ANK3: variants seen among roughly 807,000 people sequenced by gnomAD.
ANK3 encodes the protein ankyrin 3.
Under a neutral mutation model 370.9 loss-of-function variants are expected in ANK3, and 57 were observed. The observed-to-expected ratio is 0.15, with a 90% CI of 0.12 to 0.19. ANK3 has a LOEUF of 0.19. Ranked by LOEUF, ANK3 falls within the 10% of genes least tolerant of loss-of-function variation. The pLI is 1.00. For missense variants in ANK3, 4,439 were observed against 5,302.1 expected (o/e 0.84, Z 5.06); for synonymous variants, 1,929 against 1,946.3 (o/e 0.99, Z 0.23).
At chr10:60,615,713 A>T (rs2078259213) in intron 1 of ANK3, among the ~76,000 whole-genome samples, 1 of 152,232 alleles carries the variant, frequency 6.6e-6, no homozygotes, top group Admixed American at 6.5e-5. Context: ...AATATTGTTT[A>T]CCAAGGGTCA....
At chr10:60,440,875 T>G (rs530691411) in intron 2 of ANK3, among the ~76,000 whole-genome samples, 28 of 152,322 alleles carry the variant, frequency 1.8e-4, no homozygotes, top group Middle Eastern at 3.4e-3. Flanking sequence ...CCTCAACAAT[T>G]GGAACTAACA....
At chr10:60,585,761 C>G (rs967688024) in intron 2 of ANK3, among the ~76,000 whole-genome samples, 11 of 152,104 alleles carry the variant, frequency 7.2e-5, no homozygotes, top group Admixed American at 2.6e-4. Context: ...CAGTGGCTCA[C>G]GTACGTAATC....
chr10:60,468,757 G>A (rs1381808480), intron 2 of ANK3, among the ~76,000 whole-genome samples: 2 of 151,494 alleles, frequency 1.3e-5, no homozygotes, highest in Non-Finnish European at 2.9e-5. Context: ...AAGAACTTCA[G>A]CATAATATAT....
At chr10:60,105,028 C>T (rs1464854919) in intron 28 of ANK3, among the ~76,000 whole-genome samples, 1 of 152,106 alleles carries the variant, frequency 6.6e-6, no homozygotes, top group Non-Finnish European at 1.5e-5. Flanking sequence ...ATGCTGAGTG[C>T]ATTCCAAAAG....
At chr10:60,048,095 A>T (rs2131884848) in intron 42 of ANK3, among the ~76,000 whole-genome samples, 1 of 152,338 alleles carries the variant, frequency 6.6e-6, no homozygotes, top group East Asian at 1.9e-4. Flanking sequence ...AAGAAGACAG[A>T]TTTGCCCAGA....
intron 25 of ANK3, among the ~76,000 whole-genome samples, chr10:60,130,553 C>G (rs1278122242): frequency 2.0e-5 from 3 of 152,250 alleles, no homozygotes; most frequent in South Asian, 2.1e-4. Context: ...ACTTCTTTCA[C>G]GCTTTCCAAC....
At chr10:60,554,142 G>A (rs1052796089) in intron 2 of ANK3, among the ~76,000 whole-genome samples, 16 of 151,774 alleles carry the variant, frequency 1.1e-4, no homozygotes, top group Non-Finnish European at 2.2e-4. Context: ...CCCCTTTTTC[G>A]GATACACCAT....
intron 2 of ANK3, among the ~76,000 whole-genome samples, chr10:60,511,409 T>C (rs1400121918): frequency 1.3e-5 from 2 of 152,122 alleles, no homozygotes; most frequent in Non-Finnish European, 2.9e-5. Flanking sequence ...AATTGTGAAT[T>C]CTACAAGATT....
chr10:60,327,698 T>C (rs1013883470), intron 1 of ANK3, among the ~76,000 whole-genome samples: 4 of 152,180 alleles, frequency 2.6e-5, no homozygotes, highest in Non-Finnish European at 5.9e-5. Context: ...TGATATCTTT[T>C]TAGCATCATA....
intron 42 of ANK3, chr10:60,044,429 G>C: frequency 2.7e-6 from 2 of 727,540 alleles, no homozygotes; most frequent in Non-Finnish European, 3.4e-6. Flanking sequence ...CACATGCTCT[G>C]GAATTTTAGA....
chr10:60,564,441 C>T (rs1246499827), intron 2 of ANK3, among the ~76,000 whole-genome samples: 1 of 152,240 alleles, frequency 6.6e-6, no homozygotes, highest in Non-Finnish European at 1.5e-5. Context: ...AAGCAATGTC[C>T]AAACACGAGA....
chr10:60,529,531 G>A (rs2076555838), intron 2 of ANK3, among the ~76,000 whole-genome samples: 1 of 152,122 alleles, frequency 6.6e-6, no homozygotes. Context: ...ACTCCAGAGT[G>A]TTGTAAATAC....
Position 60,438,950 on chromosome 10 carries a change from A to C in ANK3, c.97-159311T>G, listed in dbSNP as rs538090616. Among the ~76,000 whole-genome samples the C allele has an allele frequency of 3.0e-4, 46 of 152,342 alleles. 1 individual carries two copies. In the South Asian group the frequency reaches 8.9e-3, roughly 30 times the overall value. On this transcript the variant is annotated intron_variant, in intron 2 of 43. Coordinates refer to the ANK3 transcript ENST00000373827. Reference sequence around the variant, plus strand: ...TCTCTCCCCTAAGAGTCTTAAAACAAGGTGAACCTAGTCTGTCATTCCCTT... The same window carrying C: ...TCTCTCCCCTAAGAGTCTTAAAACACGGTGAACCTAGTCTGTCATTCCCTT...
intron 2 of ANK3, among the ~76,000 whole-genome samples, chr10:60,614,926 T>C (rs1402441901): frequency 2.0e-5 from 3 of 152,124 alleles, no homozygotes; most frequent in Non-Finnish European, 4.4e-5. Flanking sequence ...GAAGCAGATG[T>C]GAAACACAAC....
intron 2 of ANK3, among the ~76,000 whole-genome samples, chr10:60,491,037 AC>A (rs1426309239): frequency 6.6e-6 from 1 of 152,152 alleles, no homozygotes; most frequent in East Asian, 1.9e-4. Context: ...TATATTATAT[AC>A]CCTTTTGTAT....
upstream of ANK3, among the ~76,000 whole-genome samples, chr10:60,394,220 G>C (rs2063168941): frequency 6.7e-6 from 1 of 150,280 alleles, no homozygotes; most frequent in South Asian, 2.2e-4. Context: ...GAAAAGGAAA[G>C]AAAACAAGCG....
At chr10:60,160,178 G>C (rs1283061873) in intron 23 of ANK3, among the ~76,000 whole-genome samples, 1 of 143,404 alleles carries the variant, frequency 7.0e-6, no homozygotes, top group African/African-American at 2.6e-5. Flanking sequence ...AACTAAAAAA[G>C]AGAAGACCCA....
At chr10:60,152,872 C>T (rs2095194346) in intron 23 of ANK3, among the ~76,000 whole-genome samples, 1 of 152,070 alleles carries the variant, frequency 6.6e-6, no homozygotes, top group African/African-American at 2.4e-5. Context: ...CTTTTCCTTC[C>T]TTAAAAATCT....
chr10:60,358,110 A>T lies in ANK3; in HGVS notation c.114+31315T>A, dbSNP rs983903547. Reference sequence around the variant, plus strand: ...AACATGCATATGTATACACACACACACACACACACAAACACACACACACAC... The same window carrying T: ...AACATGCATATGTATACACACACACTCACACACACAAACACACACACACAC... On this transcript the variant is annotated intron_variant, in intron 1 of 43. Transcript: ENST00000280772. Among the ~76,000 whole-genome samples, 7 of 32,730 alleles carry T rather than the reference A, an allele frequency of 2.1e-4. No individual in the cohort carries two copies. The Admixed American group carries it at 2.2e-3, about 10-fold the overall frequency. The allele number at this position is 32,730 out of a possible 152,430, so 21.5% of individuals were successfully genotyped here. A position where few individuals can be genotyped will look rare whatever the true frequency, so the allele number is the denominator to read the frequency against.
Sources: allele counts gnomAD v4.1 joint callset (sites outside exome capture counted in the v4.1 genomes callset), GRCh38; gene constraint gnomAD v4.1.1; transcripts MANE v1.5; gene names NCBI Gene and HGNC (gene_info 2026-07-23, HGNC 2026-07-21).